The following STOX1 variants were observed in gnomAD, a reference collection of about 807,000 sequenced individuals.
STOX1 encodes storkhead box 1, also known as storkhead-box protein 1.
Under a neutral mutation model 74.8 loss-of-function variants are expected in STOX1, and 57 were observed. The observed-to-expected ratio is 0.76, with a 90% CI of 0.62 to 0.95. The LOEUF is 0.95. STOX1 is among the 40% of genes least tolerant of loss of function. The pLI is 0.00. For synonymous variants in STOX1, 375 were observed against 401.3 expected (o/e 0.93, Z 0.78); for missense variants, 1,010 against 1,117.0 (o/e 0.90, Z 1.37).
intron 1 of STOX1, among the ~76,000 whole-genome samples, chr10:68,871,698 A>G (rs1263166220): frequency 2.6e-5 from 4 of 152,210 alleles, no homozygotes; most frequent in Admixed American, 1.3e-4. Context: ...TTACTTTACT[A>G]AAATAAAAGG....
chr10:68,892,863 A>G lies in STOX1; in HGVS notation c.*127A>G, dbSNP rs1271786106. 1.9e-6 allele frequency: 2 copies of G among 1,073,616 alleles called. No homozygotes were observed. The highest frequency in any genetic ancestry group is 5.3e-5 in the Admixed American group (2 of 37,534). The allele number at this position is 1,073,616 out of a possible 1,614,324, so 66.5% of individuals were successfully genotyped here. ...CAAGCATATCTATACTATTAACCACATTACACATTTTGTTCTAATTACTGG... is the reference window on the plus strand; with the variant it reads ...CAAGCATATCTATACTATTAACCACGTTACACATTTTGTTCTAATTACTGG... On this transcript the variant is annotated 3_prime_UTR_variant, in exon 4 of 4. Transcript: ENST00000298596.
Position 68,838,894 on chromosome 10 carries a change from A to C in STOX1, c.310+10961A>C, listed in dbSNP as rs182681781. Among the ~76,000 whole-genome samples the C allele has an allele frequency of 9.6e-3, 1,422 of 148,608 alleles. 17 individuals are homozygous for C. Among genetic ancestry groups the C allele is most frequent in the South Asian group, 0.047 (217 of 4,648 alleles). ...CACTGCACTCCAGCCTGGGCAACAG[A>C]GCGAGACTCTGTCTCAAAAAAAAAA... On this transcript the variant is annotated intron_variant, in intron 1 of 3. Transcript: ENST00000298596.
chr10:68,862,341 A>G (rs76831312), intron 1 of STOX1, among the ~76,000 whole-genome samples: 3,566 of 152,154 alleles, frequency 0.023, 74 homozygotes, highest in Non-Finnish European at 0.032. Flanking sequence ...TAGAATGATT[A>G]GTATTAGAGG....
intron 1 of STOX1, among the ~76,000 whole-genome samples, chr10:68,867,648 C>T (rs766963469): frequency 6.6e-6 from 1 of 152,188 alleles, no homozygotes; most frequent in Non-Finnish European, 1.5e-5. Flanking sequence ...TTATCTCTTC[C>T]GCAACATTAT....
intron 1 of STOX1, among the ~76,000 whole-genome samples, chr10:68,859,464 G>A (rs1265100992): frequency 6.6e-6 from 1 of 152,078 alleles, no homozygotes; most frequent in South Asian, 2.1e-4. Context: ...TCCCAAACTT[G>A]ACGTGATGCA....
chr10:68,869,589 T>C (rs1840490775), intron 1 of STOX1, among the ~76,000 whole-genome samples: 1 of 152,084 alleles, frequency 6.6e-6, no homozygotes, highest in Admixed American at 6.6e-5. Flanking sequence ...GGACAGGATA[T>C]GGACAGATAC....
Position 68,886,270 on chromosome 10 carries a change from A to T in STOX1, c.2474A>T (p.Asn825Ile), listed in dbSNP as rs41278532. ...CTCTCTGCTGAAAGTTGTGGCCTAAATTCAGGGGCCCAGTTTGGTTTTAAC... is the reference window on the plus strand; with the variant it reads ...CTCTCTGCTGAAAGTTGTGGCCTAATTTCAGGGGCCCAGTTTGGTTTTAAC... ...PNLSAESCGL[N>I]SGAQFGFNYE... Residue 825 changes from asparagine to isoleucine, a missense_variant, in exon 3 of 4, where the codon AAT (asparagine) becomes ATT (isoleucine). Physicochemically the swap from Asn to Ile is moderately radical, Grantham distance 149 (BLOSUM62 -3). Coordinates refer to ENST00000298596, the MANE Select transcript of STOX1 (RefSeq NM_152709.5). 5,653 of 1,613,998 alleles carry T rather than the reference A, an allele frequency of 3.5e-3. 11 individuals carry two copies. The highest frequency in any genetic ancestry group is 4.5e-3 in the Non-Finnish European group (5,278 of 1,179,974).
At position 68,867,387 on chromosome 10, in the gene STOX1, C is replaced by A. The variant is rs561304910; in HGVS notation, c.311-14571C>A. ...TGTTGATCTGGGGGGTATATCCTAACAGGGAACTGCCAAGCCTCTAAATCA... is the reference window on the plus strand; with the variant it reads ...TGTTGATCTGGGGGGTATATCCTAAAAGGGAACTGCCAAGCCTCTAAATCA... On this transcript the variant is annotated intron_variant, in intron 1 of 3. Coordinates refer to ENST00000298596, the MANE Select transcript of STOX1 (RefSeq NM_152709.5). Among the ~76,000 whole-genome samples, 137 of 152,282 alleles carry A rather than the reference C, an allele frequency of 9.0e-4. 1 individual carries two copies. The highest frequency in any genetic ancestry group is 4.1e-4 in the South Asian group (2 of 4,824).
downstream of STOX1, among the ~76,000 whole-genome samples, chr10:68,893,580 G>A (rs1841143425): frequency 6.6e-6 from 1 of 152,092 alleles, no homozygotes; most frequent in Non-Finnish European, 1.5e-5. Flanking sequence ...ACCACACCCG[G>A]CAAATTTTTT....
chr10:68,884,249 G>C lies in STOX1; in HGVS notation c.464-11G>C, dbSNP rs778143584. 7.4e-6 allele frequency: 12 copies of C among 1,613,500 alleles called. No homozygotes were observed. The Admixed American group carries it at 1.5e-4, about 20-fold the overall frequency. Reference sequence around the variant, plus strand: ...TTCAAAATCTATCTGTAAAATGCTTGTCTGTTTTAGGCATTGCAATTCCAT... The same window carrying C: ...TTCAAAATCTATCTGTAAAATGCTTCTCTGTTTTAGGCATTGCAATTCCAT... On this transcript the variant is annotated splice_polypyrimidine_tract_variant and intron_variant, in intron 2 of 3. Coordinates refer to ENST00000298596, the MANE Select transcript of STOX1 (RefSeq NM_152709.5).
At chr10:68,840,961 T>A (rs908209388) in intron 1 of STOX1, among the ~76,000 whole-genome samples, 2 of 151,984 alleles carry the variant, frequency 1.3e-5, no homozygotes, top group South Asian at 2.1e-4. Context: ...CTTTTTTTTT[T>A]TTTGGAGACA....
chr10:68,860,672 A>G (rs1840245949), intron 1 of STOX1, among the ~76,000 whole-genome samples: 2 of 151,560 alleles, frequency 1.3e-5, no homozygotes, highest in South Asian at 4.2e-4. Context: ...TCCTGCCTCC[A>G]TACTAGAGGA....
At chr10:68,876,065 A>C (rs1271588956) in intron 1 of STOX1, among the ~76,000 whole-genome samples, 3 of 140,736 alleles carry the variant, frequency 2.1e-5, no homozygotes, top group Non-Finnish European at 4.7e-5. Context: ...ATTACTTTTG[A>C]CTTTTTTTTT....
chr10:68,854,811 C>T (rs141032503), intron 1 of STOX1, among the ~76,000 whole-genome samples: 1 of 152,218 alleles, frequency 6.6e-6, no homozygotes, highest in African/African-American at 2.4e-5. Flanking sequence ...AAAGAGTTTA[C>T]AGTTGTTAGG....
At chr10:68,875,453 G>C (rs1189489228) in intron 1 of STOX1, among the ~76,000 whole-genome samples, 4 of 152,072 alleles carry the variant, frequency 2.6e-5, no homozygotes, top group African/African-American at 9.7e-5. Context: ...GCAATCTTGA[G>C]ATGTTTCTAT....
chr10:68,827,615 G>C lies in STOX1; in HGVS notation c.-9G>C. On this transcript the variant is annotated 5_prime_UTR_variant, in exon 1 of 4. Transcript: ENST00000298596. ...CCTGCGTTGCGGGCTCCCGGCCGCC[G>C]GCGAAAGCATGGCCCGGCCCGTGCA... 1 of 1,146,662 alleles carries C rather than the reference G, an allele frequency of 8.7e-7. No homozygotes were observed. The highest frequency in any genetic ancestry group is 1.1e-6 in the Non-Finnish European group (1 of 933,256). 71.0% of individuals were successfully genotyped at this position (1,146,662 alleles called of 1,614,324 possible). A position where few individuals can be genotyped will look rare whatever the true frequency, so the allele number is the denominator to read the frequency against.
intron 1 of STOX1, among the ~76,000 whole-genome samples, chr10:68,865,334 C>T (rs767892835): frequency 6.6e-6 from 1 of 151,896 alleles, no homozygotes; most frequent in Non-Finnish European, 1.5e-5. Context: ...AAGAAACAGT[C>T]TTTTAAATCT....
rs147081436 is a variant in STOX1, at chr10:68,886,076, C to T, written c.2280C>T (p.Phe760=). 2.3e-4 allele frequency: 368 copies of T among 1,614,188 alleles called. 3 individuals are homozygous for T. The African/African-American group carries it at 4.3e-3, about 19-fold the overall frequency. The change falls in exon 3 of 4, where the codon TTC becomes TTT. Residue 760 remains phenylalanine, a synonymous_variant. Coordinates refer to ENST00000298596, the MANE Select transcript of STOX1 (RefSeq NM_152709.5). ...QMLPGHSQYS[F]TGGSQGNHLG... Reference sequence around the variant, plus strand: ...TGCCTGGCCACAGTCAGTATTCCTTCACAGGTGGAAGCCAGGGAAATCATT... The same window carrying T: ...TGCCTGGCCACAGTCAGTATTCCTTTACAGGTGGAAGCCAGGGAAATCATT...
rs1327757627 is a variant in STOX1, at chr10:68,890,170, CT to C, written c.2823-2408del. 2.4e-3 allele frequency among the ~76,000 whole-genome samples: 354 copies of C among 144,752 alleles called. 1 individual carries two copies. The highest frequency in any genetic ancestry group is 6.8e-3 in the African/African-American group (270 of 39,648). The allele number at this position is 144,752 out of a possible 152,430, so 95.0% of individuals were successfully genotyped here. On this transcript the variant is annotated intron_variant, in intron 3 of 3. Transcript: ENST00000298596. ...ATATATATATGTAACTATTATTTTC[CT>C]TTTTTTTTTTAAGAGACAAGGTCTC...
Sources: allele counts gnomAD v4.1 joint callset (sites outside exome capture counted in the v4.1 genomes callset), GRCh38; gene constraint gnomAD v4.1.1; transcripts MANE v1.5; gene names NCBI Gene and HGNC (gene_info 2026-07-23, HGNC 2026-07-21).